The following RNGTT variants were observed in gnomAD, a reference collection of about 807,000 sequenced individuals.
RNGTT encodes the protein mRNA-capping enzyme.
Under a neutral mutation model 79.3 loss-of-function variants are expected in RNGTT, and 33 were observed. The ratio of observed to expected loss-of-function variants is 0.42; its 90% confidence interval spans 0.32 to 0.56. The LOEUF is 0.56. Among genes scored for constraint, RNGTT ranks in the 20% least tolerant of loss-of-function variants. The pLI is 0.17. For synonymous variants in RNGTT, 222 were observed against 235.9 expected (o/e 0.94, Z 0.54); for missense variants, 497 against 739.1 (o/e 0.67, Z 3.80).
chr6:88,656,724 C>G (rs752434415), intron 14 of RNGTT, among the ~76,000 whole-genome samples: 22 of 150,110 alleles, frequency 1.5e-4, no homozygotes, highest in Non-Finnish European at 2.7e-4. Context: ...AAGTTGAGGA[C>G]TGAGCTTCTT....
intron 13 of RNGTT, among the ~76,000 whole-genome samples, chr6:88,729,109 T>G (rs907926517): frequency 6.6e-6 from 1 of 152,180 alleles, no homozygotes; most frequent in Non-Finnish European, 1.5e-5. Flanking sequence ...ACCCTGCGGG[T>G]CAGCCCTGAG....
intron 14 of RNGTT, among the ~76,000 whole-genome samples, chr6:88,663,586 G>T (rs1007775048): frequency 1.3e-5 from 2 of 152,156 alleles, no homozygotes; most frequent in African/African-American, 4.8e-5. Flanking sequence ...CACATCAGAG[G>T]ATGCATGGCA....
intron 14 of RNGTT, among the ~76,000 whole-genome samples, chr6:88,634,877 G>A (rs1773042345): frequency 6.6e-6 from 1 of 151,866 alleles, no homozygotes; most frequent in South Asian, 2.1e-4. Flanking sequence ...TCCAAACAAG[G>A]TTAAAATGAA....
Position 88,929,242 on chromosome 6 carries a change from A to C in RNGTT, c.200T>G (p.Leu67Arg). 6.2e-7 allele frequency: 1 copy of C among 1,605,986 alleles called. No homozygotes were observed. The highest frequency in any genetic ancestry group is 8.5e-7 in the Non-Finnish European group (1 of 1,176,242). The change falls in exon 3 of 16, where the codon CTG (leucine) becomes CGG (arginine). Residue 67 changes from leucine to arginine, a missense_variant. This residue lies in a region of RNGTT where 440 missense variants were observed against 671.5 expected (regional missense o/e 0.66). Coordinates refer to ENST00000369485, the MANE Select transcript of RNGTT (RefSeq NM_003800.5). ...GTCATAGAACCTTGAAGTATTTGTC[A>C]GGTCCACCAACAAGCCCATTTTAAC... Reference protein sequence around the residue: ...LKVKMGLLVDLTNTSRFYDRN... With the variant: ...LKVKMGLLVDRTNTSRFYDRN...
chr6:88,734,415 A>G (rs1777216301), intron 13 of RNGTT, among the ~76,000 whole-genome samples: 1 of 152,180 alleles, frequency 6.6e-6, no homozygotes, highest in African/African-American at 2.4e-5. Context: ...AAAAATGAAA[A>G]GAACAAGTAC....
intron 13 of RNGTT, among the ~76,000 whole-genome samples, chr6:88,683,442 A>C (rs1775162885): frequency 3.3e-5 from 5 of 152,184 alleles, no homozygotes; most frequent in Admixed American, 2.6e-4. Flanking sequence ...AACAATTTTA[A>C]ATTACTCCAC....
At position 88,962,172 on chromosome 6, in the gene RNGTT, A is replaced by G. The variant is rs1247797828; in HGVS notation, c.64+1174T>C. On this transcript the variant is annotated intron_variant, in intron 1 of 15. Coordinates refer to ENST00000369485, the MANE Select transcript of RNGTT (RefSeq NM_003800.5). ...TCAGTGGCTGCCAGGCGAAGGAGGG[A>G]TTTAAAAAGGGGCAAGAGGAAACTT... Among the ~76,000 whole-genome samples the G allele has an allele frequency of 2.0e-5, 3 of 152,298 alleles. No individual in the cohort carries two copies. In the East Asian group the frequency reaches 5.8e-4, roughly 29 times the overall value.
chr6:88,769,847 T>C lies in RNGTT; in HGVS notation c.1366A>G (p.Ile456Val). The C allele has an allele frequency of 1.2e-6, 2 of 1,611,424 alleles. No homozygotes were observed. The highest frequency in any genetic ancestry group is 4.5e-5 in the East Asian group (2 of 44,708). ...GKYKPGRCDD[I>V]LKWKPPSLNS... ...AGACTGGGAGGCTTCCATTTCAAAA[T>C]ATCATCACATCGACCAGGTTTGTAT... is the stretch of plus-strand genomic sequence containing the variant. Residue 456 changes from isoleucine to valine, a missense_variant, in exon 13 of 16, where the codon ATT (isoleucine) becomes GTT (valine). Ile to Val is a conservative substitution (Grantham distance 29). Around this residue, in one of 3 missense-constraint regions of RNGTT, gnomAD observed 440 missense variants for 671.5 expected, o/e 0.66. Coordinates refer to ENST00000369485, the MANE Select transcript of RNGTT (RefSeq NM_003800.5).
intron 14 of RNGTT, among the ~76,000 whole-genome samples, chr6:88,663,676 A>G (rs1774275678): frequency 6.6e-6 from 1 of 152,162 alleles, no homozygotes; most frequent in Non-Finnish European, 1.5e-5. Flanking sequence ...AGCCTCTGCA[A>G]GGTGTGCACA....
At chr6:88,814,277 A>T (rs1780243087) in intron 11 of RNGTT, among the ~76,000 whole-genome samples, 2 of 152,196 alleles carry the variant, frequency 1.3e-5, no homozygotes, top group Admixed American at 6.5e-5. Flanking sequence ...TAACGTCCTA[A>T]CTGGGCATAT....
chr6:88,914,234 C>T (rs1045676944), intron 4 of RNGTT, among the ~76,000 whole-genome samples: 7 of 152,162 alleles, frequency 4.6e-5, no homozygotes, highest in Non-Finnish European at 8.8e-5. Flanking sequence ...GATTCAACCC[C>T]ATTCCTGTCA....
intron 2 of RNGTT, among the ~76,000 whole-genome samples, chr6:88,931,711 A>G (rs1784518665): frequency 1.3e-5 from 2 of 152,176 alleles, no homozygotes; most frequent in Admixed American, 1.3e-4. Flanking sequence ...GCTTAATCCC[A>G]TCTCAATAAG....
chr6:88,832,244 T>A (rs984090464), intron 11 of RNGTT, among the ~76,000 whole-genome samples: 1 of 152,020 alleles, frequency 6.6e-6, no homozygotes. Context: ...AAAACAGATA[T>A]ATAGACCAAT....
chr6:88,785,201 C>T (rs1489454535), intron 12 of RNGTT, among the ~76,000 whole-genome samples: 1 of 151,874 alleles, frequency 6.6e-6, no homozygotes, highest in Non-Finnish European at 1.5e-5. Context: ...TGTATATTTA[C>T]CCTCTAGGAA....
chr6:88,853,361 C>T (rs567662405), intron 9 of RNGTT, among the ~76,000 whole-genome samples: 29 of 151,992 alleles, frequency 1.9e-4, no homozygotes, highest in African/African-American at 5.5e-4. Flanking sequence ...AAAAATTAGC[C>T]GGGCGTGGTG....
At chr6:88,773,196 C>A (rs1404987604) in intron 12 of RNGTT, among the ~76,000 whole-genome samples, 1 of 150,732 alleles carries the variant, frequency 6.6e-6, no homozygotes, top group Admixed American at 6.6e-5. Flanking sequence ...TGGAAATCAT[C>A]ATTCTCAGTA....
At chr6:88,944,305 A>G (rs1387779323) in intron 1 of RNGTT, among the ~76,000 whole-genome samples, 1 of 152,252 alleles carries the variant, frequency 6.6e-6, no homozygotes, top group Non-Finnish European at 1.5e-5. Flanking sequence ...ATGTCACACC[A>G]CTAATAAATG....
At position 88,821,235 on chromosome 6, in the gene RNGTT, G is replaced by A. The variant is rs958569487; in HGVS notation, c.1270-19603C>T. On this transcript the variant is annotated intron_variant, in intron 11 of 15. Transcript: ENST00000369485. ...TTCAACAAGTGGTGATAGAACAACCGGACCTTCACATGCAAAAAAATAAAT... is the reference window on the plus strand; with the variant it reads ...TTCAACAAGTGGTGATAGAACAACCAGACCTTCACATGCAAAAAAATAAAT... Among the ~76,000 whole-genome samples the A allele has an allele frequency of 9.2e-5, 14 of 152,084 alleles. No homozygotes were observed. In the South Asian group the frequency reaches 1.5e-3, roughly 16 times the overall value.
chr6:88,679,837 G>T (rs1369036845), intron 13 of RNGTT, among the ~76,000 whole-genome samples: 1 of 152,040 alleles, frequency 6.6e-6, no homozygotes, highest in African/African-American at 2.4e-5. Context: ...TTTCATAATG[G>T]ACATTGTGAA....
Sources: gnomAD v4.1 joint callset for allele counts (sites outside exome capture counted in the v4.1 genomes callset) on GRCh38, gnomAD v4.1.1 for gene constraint, gnomAD v4.1.1 regional missense constraint, MANE v1.5 for transcripts, NCBI Gene and HGNC (gene_info 2026-07-23, HGNC 2026-07-21) for gene names.